Variants in SSBP3 observed in about 807,000 individuals in gnomAD.
SSBP3 encodes the protein single-stranded DNA-binding protein 3.
In SSBP3, 5 loss-of-function variants were observed where a neutral mutation model predicts 69.6. The ratio of observed to expected loss-of-function variants is 0.07; its 90% confidence interval spans 0.04 to 0.15. SSBP3 has a LOEUF of 0.15. Ranked by LOEUF, SSBP3 falls within the 10% of genes least tolerant of loss-of-function variation. SSBP3 has a pLI of 1.00. For missense variants in SSBP3, 312 were observed against 534.0 expected, an observed-to-expected ratio of 0.58 and a Z score of 4.10; for synonymous variants, 196 against 193.4, an observed-to-expected ratio of 1.01 and a Z score of -0.11.
intron 4 of SSBP3, among the ~76,000 whole-genome samples, chr1:54,351,387 A>G (rs1399410295): frequency 1.3e-5 from 2 of 152,182 alleles, no homozygotes; most frequent in Non-Finnish European, 2.9e-5. Context: ...GAAGGATGAA[A>G]TTAGATTATG....
At chr1:54,353,093 G>T (rs1646808617) in intron 4 of SSBP3, among the ~76,000 whole-genome samples, 1 of 152,164 alleles carries the variant, frequency 6.6e-6, no homozygotes, top group South Asian at 2.1e-4. Flanking sequence ...GCCTGCACGG[G>T]GGCTCCAGCT....
chr1:54,406,660 G>A (rs1234242859), upstream of SSBP3, among the ~76,000 whole-genome samples: 2 of 151,872 alleles, frequency 1.3e-5, no homozygotes, highest in Admixed American at 6.5e-5. Flanking sequence ...CGTGGATCGG[G>A]CTGGGGGCAC....
intron 4 of SSBP3, among the ~76,000 whole-genome samples, chr1:54,305,140 C>T (rs187438971): frequency 1.2e-4 from 19 of 152,262 alleles, no homozygotes; most frequent in Middle Eastern, 3.4e-3. Context: ...GCTTTGCCAT[C>T]GCTAGCTGAG....
chr1:54,290,570 C>T (rs1457641660), intron 4 of SSBP3, among the ~76,000 whole-genome samples: 1 of 152,222 alleles, frequency 6.6e-6, no homozygotes, highest in Non-Finnish European at 1.5e-5. Context: ...CTGAGGCCAC[C>T]ATACTGCCGG....
At position 54,231,529 on chromosome 1, in the gene SSBP3, CCA is replaced by C. The variant is rs529542820; in HGVS notation, c.928-2705_928-2704del. Among the ~76,000 whole-genome samples, 29 of 152,132 alleles carry C rather than the reference CCA, an allele frequency of 1.9e-4. No homozygotes were observed. In the East Asian group the frequency reaches 5.6e-3, roughly 29 times the overall value. ...CACAAATCTTAATCTCCGATGAAGT[CCA>C]GTTTGTCTACTTTTTTCTTTTGCTA... On this transcript the variant is annotated intron_variant, in intron 14 of 17. Transcript: ENST00000610401.
exon 18 of SSBP3, chr1:54,225,479 TAC>T: frequency 8.7e-7 from 1 of 1,148,722 alleles, no homozygotes. Flanking sequence ...ACATATATCG[TAC>T]ACAAACTACA....
At chr1:54,364,204 T>C (rs915567375) in intron 4 of SSBP3, among the ~76,000 whole-genome samples, 1 of 152,194 alleles carries the variant, frequency 6.6e-6, no homozygotes, top group Non-Finnish European at 1.5e-5. Flanking sequence ...ATTTCTATGC[T>C]ACAATGGCAG....
chr1:54,338,435 G>A (rs1646548030), intron 4 of SSBP3, among the ~76,000 whole-genome samples: 1 of 152,168 alleles, frequency 6.6e-6, no homozygotes, highest in Non-Finnish European at 1.5e-5. Flanking sequence ...CCAAAGTGAT[G>A]AGCACATGGC....
chr1:54,311,949 T>C (rs909862493), intron 4 of SSBP3, among the ~76,000 whole-genome samples: 2 of 152,084 alleles, frequency 1.3e-5, no homozygotes, highest in Admixed American at 6.5e-5. Context: ...CTCAGATCCA[T>C]CTAAGCCTAA....
intron 13 of SSBP3, among the ~76,000 whole-genome samples, chr1:54,240,099 CGT>C (rs1372856308): frequency 6.3e-4 from 66 of 105,338 alleles, no homozygotes; most frequent in Admixed American, 1.1e-3. Flanking sequence ...CGCGCGCGCG[CGT>C]GTGCGTGCGC....
chr1:54,323,587 C>T (rs1646252000), intron 4 of SSBP3, among the ~76,000 whole-genome samples: 2 of 152,202 alleles, frequency 1.3e-5, no homozygotes, highest in African/African-American at 2.4e-5. Context: ...TATCTGCCTT[C>T]AGGCAAGTGA....
chr1:54,298,096 G>A (rs909342460), intron 4 of SSBP3, among the ~76,000 whole-genome samples: 1 of 152,164 alleles, frequency 6.6e-6, no homozygotes, highest in African/African-American at 2.4e-5. Flanking sequence ...GTGCAGGTCA[G>A]GGCTTCAACA....
intron 11 of SSBP3, 113 bp downstream of exon 11, chr1:54,242,051 G>A (rs1018601131): frequency 1.6e-5 from 20 of 1,215,672 alleles, no homozygotes; most frequent in African/African-American, 3.0e-5. Context: ...AGCATCAGGA[G>A]AGTCCTGCTG....
At chr1:54,243,390 G>A (rs1644676846) in intron 9 of SSBP3, 91 bp from the exon 10 acceptor site, 6 of 1,444,290 alleles carry the variant, frequency 4.2e-6, no homozygotes, top group East Asian at 2.3e-5. Context: ...CATAGTGAGA[G>A]GGTTAGTCTG....
upstream of SSBP3, among the ~76,000 whole-genome samples, chr1:54,407,748 GATTTTT>G (rs78319783): frequency 5.8e-5 from 5 of 86,352 alleles, no homozygotes; most frequent in South Asian, 4.3e-4. Flanking sequence ...AGCCTAGGTT[GATTTTT>G]TTTTTTTTTT....
chr1:54,298,496 T>A (rs867421085), intron 4 of SSBP3, among the ~76,000 whole-genome samples: 1 of 152,200 alleles, frequency 6.6e-6, no homozygotes, highest in African/African-American at 2.4e-5. Flanking sequence ...TCCTATCTTA[T>A]CAGTGTGCAG....
At chr1:54,404,675 A>G in intron 2 of SSBP3, 38 bp from the exon 3 acceptor site, 1 of 1,612,776 alleles carries the variant, frequency 6.2e-7, no homozygotes, top group South Asian at 1.1e-5. Flanking sequence ...AGAGGAGCAG[A>G]GACGGGGTGG....
chr1:54,241,688 C>T (rs1644640855), intron 11 of SSBP3, among the ~76,000 whole-genome samples, 179 bp from the exon 12 acceptor site: 1 of 152,218 alleles, frequency 6.6e-6, no homozygotes, highest in African/African-American at 2.4e-5. Flanking sequence ...CTCTCTGCTA[C>T]ATTGAACTGA....
At chr1:54,292,008 AC>A (rs2100950134) in intron 4 of SSBP3, among the ~76,000 whole-genome samples, 1 of 151,898 alleles carries the variant, frequency 6.6e-6, no homozygotes, top group Non-Finnish European at 1.5e-5. Flanking sequence ...GCCCACACTG[AC>A]CCCCTTACCC....
Sources: gnomAD v4.1 joint callset for allele counts (sites outside exome capture counted in the v4.1 genomes callset) on GRCh38, gnomAD v4.1.1 for gene constraint, MANE v1.5 for transcripts, NCBI Gene and HGNC (gene_info 2026-07-23, HGNC 2026-07-21) for gene names.